Variants in ZFHX3 observed in about 807,000 individuals in gnomAD.
The protein encoded by ZFHX3 is zinc finger homeobox 3.
A neutral mutation model predicts 279.1 loss-of-function variants in ZFHX3; 42 were observed. That is an observed-to-expected ratio of 0.15 (90% CI 0.12 to 0.19). The LOEUF (loss-of-function observed/expected upper bound fraction) is 0.19. Ranked by LOEUF, ZFHX3 falls within the 10% of genes least tolerant of loss-of-function variation. ZFHX3 has a pLI of 1.00. For missense variants in ZFHX3, 4,981 were observed against 4,754.0 expected (o/e 1.05, Z -1.40); for synonymous variants, 2,293 against 1,957.8 (o/e 1.17, Z -4.52).
intron 5 of ZFHX3, among the ~76,000 whole-genome samples, chr16:73,152,639 G>A (rs117165258): frequency 0.02 from 2,987 of 147,900 alleles, 53 homozygotes; most frequent in East Asian, 0.095. Context: ...TTTTTCTCAC[G>A]TGATTGGAAT....
chr16:73,261,143 C>G (rs1213438281), intron 4 of ZFHX3, among the ~76,000 whole-genome samples: 1 of 152,122 alleles, frequency 6.6e-6, no homozygotes, highest in Non-Finnish European at 1.5e-5. Flanking sequence ...TAATAGGAGA[C>G]TGGTTCTATA....
chr16:73,273,561 T>C (rs1338259435), intron 4 of ZFHX3, among the ~76,000 whole-genome samples: 1 of 152,206 alleles, frequency 6.6e-6, no homozygotes, highest in Non-Finnish European at 1.5e-5. Context: ...AAAGGACTCA[T>C]ACTGAACCAC....
chr16:73,761,242 A>C (rs557075471), intron 1 of ZFHX3, among the ~76,000 whole-genome samples: 1 of 143,742 alleles, frequency 7.0e-6, no homozygotes, highest in South Asian at 2.1e-4. Context: ...TAATTGCTAC[A>C]AAAAAAAATA....
chr16:73,103,785 T>C (rs1406048574), intron 7 of ZFHX3, among the ~76,000 whole-genome samples: 1 of 152,174 alleles, frequency 6.6e-6, no homozygotes, highest in Non-Finnish European at 1.5e-5. Context: ...TATAACAGTC[T>C]GGTGGAGACT....
rs757556344 is a variant in ZFHX3 at position 72,902,534 on chromosome 16, C to T, written c.3217-12572G>A. Among the ~76,000 whole-genome samples the T allele has an allele frequency of 2.1e-4, 32 of 152,310 alleles. 1 individual carries two copies. The highest frequency in any genetic ancestry group is 6.8e-3 in the Middle Eastern group (2 of 294). On this transcript the variant is annotated intron_variant, in intron 3 of 9. Transcript: ENST00000268489. Reference sequence around the variant, plus strand: ...CAAGGCACCCGTCCCTGGGGACAGACGGACAGAAAACAAAATAGATTAACA... The same window carrying T: ...CAAGGCACCCGTCCCTGGGGACAGATGGACAGAAAACAAAATAGATTAACA...
chr16:72,848,170 G>T (rs564474239), intron 4 of ZFHX3, among the ~76,000 whole-genome samples: 102 of 152,274 alleles, frequency 6.7e-4, no homozygotes, highest in African/African-American at 2.3e-3. Context: ...GGAATGGAGG[G>T]CAGGCGCTCA....
chr16:73,430,254 G>C (rs1264722301), intron 3 of ZFHX3, among the ~76,000 whole-genome samples: 2 of 152,072 alleles, frequency 1.3e-5, no homozygotes, highest in Non-Finnish European at 2.9e-5. Context: ...AGGTACACTA[G>C]AATGCCCAGT....
intron 8 of ZFHX3, among the ~76,000 whole-genome samples, chr16:73,073,903 A>G (rs972872547): frequency 3.9e-5 from 6 of 152,226 alleles, no homozygotes; most frequent in East Asian, 3.8e-4. Flanking sequence ...GAAAGTCTCA[A>G]TGTCATTCTC....
At chr16:73,046,937 C>G (rs987499053) in intron 1 of ZFHX3, among the ~76,000 whole-genome samples, 10 of 152,152 alleles carry the variant, frequency 6.6e-5, no homozygotes, top group African/African-American at 2.2e-4. Flanking sequence ...CACCTGCTCA[C>G]GGCTTTCACT....
chr16:72,969,148 C>T (rs1961987602), intron 1 of ZFHX3, among the ~76,000 whole-genome samples: 2 of 152,078 alleles, frequency 1.3e-5, no homozygotes, highest in African/African-American at 4.8e-5. Context: ...AAACTATAAA[C>T]GAAGAGTCAA....
At chr16:73,285,862 C>T (rs954788040) in intron 4 of ZFHX3, among the ~76,000 whole-genome samples, 3 of 152,150 alleles carry the variant, frequency 2.0e-5, no homozygotes, top group South Asian at 4.1e-4. Context: ...TAAAAACACA[C>T]GCTTCCGCAC....
chr16:73,770,639 G>A (rs931477829), intron 1 of ZFHX3, among the ~76,000 whole-genome samples: 2 of 152,182 alleles, frequency 1.3e-5, no homozygotes, highest in African/African-American at 4.8e-5. Context: ...ATTGCTATCT[G>A]GAACAAGATA....
At chr16:73,092,719 G>A (rs1370869033) in intron 8 of ZFHX3, 1 of 333,782 alleles carries the variant, frequency 3.0e-6, no homozygotes, top group Non-Finnish European at 5.9e-6. Context: ...CGCGCTCTGG[G>A]AGAGCGCTTA....
intron 4 of ZFHX3, among the ~76,000 whole-genome samples, chr16:72,875,403 T>C (rs2038283378): frequency 6.6e-6 from 1 of 152,220 alleles, no homozygotes; most frequent in Non-Finnish European, 1.5e-5. Context: ...AAGCCCTCTG[T>C]GCCAGGAGGC....
At chr16:72,904,103 C>G (rs1281248436) in intron 3 of ZFHX3, among the ~76,000 whole-genome samples, 1 of 152,174 alleles carries the variant, frequency 6.6e-6, no homozygotes, top group South Asian at 2.1e-4. Context: ...TAGTGGCTCA[C>G]GCCTATAATC....
chr16:72,934,199 AG>A (rs1339039926), intron 3 of ZFHX3, among the ~76,000 whole-genome samples: 1 of 152,146 alleles, frequency 6.6e-6, no homozygotes, highest in Non-Finnish European at 1.5e-5. Context: ...CTGAGGCAGG[AG>A]GATCACTTGA....
chr16:73,055,688 G>A (rs1368496663), intron 1 of ZFHX3, among the ~76,000 whole-genome samples: 9 of 90,510 alleles, frequency 9.9e-5, no homozygotes, highest in Admixed American at 2.2e-4. Context: ...ACGCGCGCGC[G>A]CGCGCGCGCG....
chr16:73,644,933 G>C (rs1025725548), intron 2 of ZFHX3, among the ~76,000 whole-genome samples: 2 of 152,278 alleles, frequency 1.3e-5, no homozygotes, highest in East Asian at 3.9e-4. Flanking sequence ...AGGCTGACAC[G>C]AAGATTCTCA....
At chr16:73,515,508 G>C (rs1422294095) in intron 2 of ZFHX3, among the ~76,000 whole-genome samples, 1 of 150,736 alleles carries the variant, frequency 6.6e-6, no homozygotes, top group Non-Finnish European at 1.5e-5. Flanking sequence ...GAGAGAGAAA[G>C]AGAGAGAAAG....
Sources: allele counts gnomAD v4.1 joint callset (sites outside exome capture counted in the v4.1 genomes callset), GRCh38; gene constraint gnomAD v4.1.1; transcripts MANE v1.5; gene names NCBI Gene and HGNC (gene_info 2026-07-23, HGNC 2026-07-21).